SPRYD4: variants seen among roughly 807,000 people sequenced by gnomAD.
The protein encoded by SPRYD4 is SPRY domain-containing protein 4.
A neutral mutation model predicts 16.6 loss-of-function variants in SPRYD4; 12 were observed. That is an observed-to-expected ratio of 0.72 (90% CI 0.46 to 1.17). The LOEUF (loss-of-function observed/expected upper bound fraction) is 1.17. SPRYD4 is among the 50% of genes most tolerant of loss of function. The pLI is 0.00. For missense variants in SPRYD4, 260 were observed against 260.2 expected, an observed-to-expected ratio of 1.00 and a Z score of 0.00; for synonymous variants, 98 against 105.4, an observed-to-expected ratio of 0.93 and a Z score of 0.43.
Position 56,478,378 on chromosome 12 carries a change from A to G in SPRYD4, c.*8801A>G, listed in dbSNP as rs931444965. The G allele has an allele frequency of 2.8e-6, 3 of 1,086,664 alleles. No individual in the cohort carries two copies. Among genetic ancestry groups the G allele is most frequent in the East Asian group, 5.1e-5 (2 of 38,848 alleles). The allele number at this position is 1,086,664 out of a possible 1,614,324, so 67.3% of individuals were successfully genotyped here. A position where few individuals can be genotyped will look rare whatever the true frequency, so the allele number is the denominator to read the frequency against. ...GCTAAAATTCTGTCTTCTATAGGGC[A>G]GAGGGGTTCCCTCCTGCCTGTTGCT... On this transcript the variant is annotated 3_prime_UTR_variant, in exon 2 of 2. Transcript: ENST00000338146.
rs1448124571 is a variant in SPRYD4 at position 56,478,845 on chromosome 12, T to G, written c.*9268T>G. 3 of 538,582 alleles carry G rather than the reference T, an allele frequency of 5.6e-6. No homozygotes were observed. Among genetic ancestry groups the G allele is most frequent in the Non-Finnish European group, 6.3e-6 (2 of 315,964 alleles). The allele number at this position is 538,582 out of a possible 1,614,324, so 33.4% of individuals were successfully genotyped here. ...CCATCTCTACTAAAAATACAAAAAT[T>G]AGTCGGGCATGGTGGTGTATGCCAG... On this transcript the variant is annotated 3_prime_UTR_variant, in exon 2 of 2. Transcript: ENST00000338146.
chr12:56,476,297 G>A lies in SPRYD4; in HGVS notation c.*6720G>A, dbSNP rs1472303799. 2 of 320,964 alleles carry A rather than the reference G, an allele frequency of 6.2e-6. No individual in the cohort carries two copies. The highest frequency in any genetic ancestry group is 1.2e-5 in the Non-Finnish European group (2 of 170,036). The allele number at this position is 320,964 out of a possible 1,614,324, so 19.9% of individuals were successfully genotyped here. A position where few individuals can be genotyped will look rare whatever the true frequency, so the allele number is the denominator to read the frequency against. On this transcript the variant is annotated 3_prime_UTR_variant, in exon 2 of 2. Transcript: ENST00000338146. ...CCCACTTCAGCCTCCAAGTAGCTCG[G>A]ATTACAGGCATGAGCCAGCTTGCTG...
In SPRYD4 at chr12:56,475,465, CAA is replaced by C. The variant is rs1869721227; in HGVS notation, c.*5890_*5891del. 1.3e-6 allele frequency: 1 copy of C among 748,158 alleles called. No individual in the cohort carries two copies. Among genetic ancestry groups the C allele is most frequent in the Non-Finnish European group, 2.2e-6 (1 of 462,538 alleles). 46.3% of individuals were successfully genotyped at this position (748,158 alleles called of 1,614,324 possible). ...GGAACAAATTATTTTACAAGATAAA[CAA>C]ATGTTTATGAAGGGACTCAGAGGAA... On this transcript the variant is annotated 3_prime_UTR_variant, in exon 2 of 2. Transcript: ENST00000338146.
rs758994453 is a variant in SPRYD4, at chr12:56,473,613, G to A, written c.*4036G>A. ...GGCCCACCTGGGGAACAGAACTGAA[G>A]CTGAGGATAAAGTGGGTGTGCCCCA... On this transcript the variant is annotated 3_prime_UTR_variant, in exon 2 of 2. Transcript: ENST00000338146. The A allele has an allele frequency of 1.3e-5, 21 of 1,600,294 alleles. No individual in the cohort carries two copies. The highest frequency in any genetic ancestry group is 2.2e-4 in the Middle Eastern group (1 of 4,496).
In SPRYD4 at chr12:56,469,272, G is replaced by A. The variant is rs1336754504; in HGVS notation, c.319G>A (p.Val107Met). The change falls in exon 2 of 2, where the codon GTG becomes ATG. Residue 107 changes from valine to methionine, a missense_variant. By Grantham distance (21) the Val-to-Met change is conservative (BLOSUM62 1). Coordinates refer to ENST00000338146, the MANE Select transcript of SPRYD4 (RefSeq NM_207344.4). Reference sequence around the variant, plus strand: ...GCAGTTCCGGATAGGAGTGGCAGATGTGGACATGTCCCGGGATAGCTGCAT... The same window carrying A: ...GCAGTTCCGGATAGGAGTGGCAGATATGGACATGTCCCGGGATAGCTGCAT... Reference protein sequence around the residue: ...SQQFRIGVADVDMSRDSCIGV... With the variant: ...SQQFRIGVADMDMSRDSCIGV... 6.2e-7 allele frequency: 1 copy of A among 1,614,144 alleles called. No homozygotes were observed. The highest frequency in any genetic ancestry group is 1.7e-5 in the Admixed American group (1 of 60,026).
In SPRYD4 at chr12:56,469,118, C is replaced by T. The variant is rs745466393; in HGVS notation, c.165C>T (p.Gly55=). 2 of 1,613,106 alleles carry T rather than the reference C, an allele frequency of 1.2e-6. No homozygotes were observed. The highest frequency in any genetic ancestry group is 1.7e-6 in the Non-Finnish European group (2 of 1,179,464). ...LFRDDTGVKY[G]LVGLEPTKVA... ...GAGATGATACGGGTGTCAAATATGG[C>T]TTGGTGGGATTGGAGCCCACCAAGG... The change falls in exon 2 of 2, where the codon GGC becomes GGT. Residue 55 remains glycine, a synonymous_variant. Coordinates refer to ENST00000338146, the MANE Select transcript of SPRYD4 (RefSeq NM_207344.4).
Position 56,468,627 on chromosome 12 carries a change from C to T in SPRYD4, c.36C>T (p.Cys12=), listed in dbSNP as rs767700811. Reference sequence around the variant, plus strand: ...TTTTTGCACGTTCTTTGCGCTTGTGCCGCTGGGGAGCCAAACGATTGGGAG... The same window carrying T: ...TTTTTGCACGTTCTTTGCGCTTGTGTCGCTGGGGAGCCAAACGATTGGGAG... ...ALLFARSLRL[C]RWGAKRLGVA... The change falls in exon 1 of 2, where the codon TGC becomes TGT. Residue 12 remains cysteine (C), a synonymous_variant. Transcript: ENST00000338146. 2 of 1,613,954 alleles carry T rather than the reference C, an allele frequency of 1.2e-6. No individual in the cohort carries two copies. The highest frequency in any genetic ancestry group is 1.7e-6 in the Non-Finnish European group (2 of 1,179,972).
At position 56,475,187 on chromosome 12, in the gene SPRYD4, G is replaced by A; in HGVS notation, c.*5610G>A. The A allele has an allele frequency of 3.1e-6, 5 of 1,606,854 alleles. No homozygotes were observed. Among genetic ancestry groups the A allele is most frequent in the South Asian group, 2.2e-5 (2 of 91,036 alleles). On this transcript the variant is annotated 3_prime_UTR_variant, in exon 2 of 2. Coordinates refer to ENST00000338146, the MANE Select transcript of SPRYD4 (RefSeq NM_207344.4). ...AGAAGGGGAAAAATTACCTTCCCTG[G>A]AGAGACAGAACTACATCACACCACA... is the stretch of plus-strand genomic sequence containing the variant.
chr12:56,475,213 A>G lies in SPRYD4; in HGVS notation c.*5636A>G, dbSNP rs774643917. ...AGAGACAGAACTACATCACACCACA[A>G]ACTAAATGAACCCCTTTATAACTTC... On this transcript the variant is annotated 3_prime_UTR_variant, in exon 2 of 2. Coordinates refer to ENST00000338146, the MANE Select transcript of SPRYD4 (RefSeq NM_207344.4). The G allele has an allele frequency of 2.5e-5, 40 of 1,601,936 alleles. No homozygotes were observed. In the African/African-American group the frequency reaches 3.5e-4, roughly 14 times the overall value.
intron 1 of SPRYD4, 105 bp from the exon 2 acceptor site, chr12:56,468,934 C>G (rs1380769318): frequency 2.1e-6 from 3 of 1,395,700 alleles, no homozygotes; most frequent in Admixed American, 2.5e-5. Flanking sequence ...TCTGACTCTT[C>G]CCTAGTTGCT....
In SPRYD4 at chr12:56,479,140, C is replaced by A; in HGVS notation, c.*9563C>A. ...AAAATCAGGAATGACAAACTTCTTT[C>A]GGAATGCCTGGGTCAGGAGCACAAT... On this transcript the variant is annotated 3_prime_UTR_variant, in exon 2 of 2. Coordinates refer to ENST00000338146, the MANE Select transcript of SPRYD4 (RefSeq NM_207344.4). 2 of 1,614,010 alleles carry A rather than the reference C, an allele frequency of 1.2e-6. No homozygotes were observed. Among genetic ancestry groups the A allele is most frequent in the Non-Finnish European group, 1.7e-6 (2 of 1,180,022 alleles).
rs1231310806 is a variant in SPRYD4 at position 56,478,206 on chromosome 12, G to A, written c.*8629G>A. ...ACCGTTGACCATCCACAGTGCACAG[G>A]GAGACACCCCACAGGTCTGGGTTTG... is the stretch of plus-strand genomic sequence containing the variant. On this transcript the variant is annotated 3_prime_UTR_variant, in exon 2 of 2. Coordinates refer to ENST00000338146, the MANE Select transcript of SPRYD4 (RefSeq NM_207344.4). 5.6e-6 allele frequency: 9 copies of A among 1,614,212 alleles called. No homozygotes were observed. The South Asian group carries it at 9.9e-5, about 18-fold the overall frequency.
At position 56,476,272 on chromosome 12, in the gene SPRYD4, CCCA is replaced by C; in HGVS notation, c.*6697_*6699del. 2.7e-6 allele frequency: 1 copy of C among 373,300 alleles called. No homozygotes were observed. Among genetic ancestry groups the C allele is most frequent in the Non-Finnish European group, 5.0e-6 (1 of 201,976 alleles). The allele number at this position is 373,300 out of a possible 1,614,324, so 23.1% of individuals were successfully genotyped here. A position where few individuals can be genotyped will look rare whatever the true frequency, so the allele number is the denominator to read the frequency against. ...TGACCTCCCAGGCTCAAGCGATCCTCCCACTTCAGCCTCCAAGTAGCTCGGATT... is the reference window on the plus strand; with the variant it reads ...TGACCTCCCAGGCTCAAGCGATCCTCCTTCAGCCTCCAAGTAGCTCGGATT... On this transcript the variant is annotated 3_prime_UTR_variant, in exon 2 of 2. Coordinates refer to ENST00000338146, the MANE Select transcript of SPRYD4 (RefSeq NM_207344.4).
At chr12:56,468,914 C>T (rs1869109512) in intron 1 of SPRYD4, 125 bp from the exon 2 acceptor site, 4 of 1,301,060 alleles carry the variant, frequency 3.1e-6, no homozygotes, top group East Asian at 2.4e-5. Flanking sequence ...CTCTCTTGCC[C>T]GCTTGGCATT....
rs758188221 is a variant in SPRYD4 at position 56,478,149 on chromosome 12, C to T, written c.*8572C>T. 9.3e-6 allele frequency: 15 copies of T among 1,613,962 alleles called. No homozygotes were observed. The highest frequency in any genetic ancestry group is 1.3e-5 in the Non-Finnish European group (15 of 1,179,974). The stretch of plus-strand genomic sequence containing the variant: ...GGTTGGCCTGTGTTCGGCACCTGTG[C>T]CCTGCCTCCCCTTCCTCTTGCCCAG... On this transcript the variant is annotated 3_prime_UTR_variant, in exon 2 of 2. Transcript: ENST00000338146.
chr12:56,476,056 T>G lies in SPRYD4; in HGVS notation c.*6479T>G. ...GAAGGGTCAGAAGGATCTAGTGGAG[T>G]TCTAGTGTTAGTCTGGTCCTGCTGC... On this transcript the variant is annotated 3_prime_UTR_variant, in exon 2 of 2. Transcript: ENST00000338146. The G allele has an allele frequency of 7.1e-7, 1 of 1,408,570 alleles. No homozygotes were observed. 87.3% of individuals were successfully genotyped at this position (1,408,570 alleles called of 1,614,324 possible).
In SPRYD4 at chr12:56,475,165, AG is replaced by A; in HGVS notation, c.*5592del. On this transcript the variant is annotated 3_prime_UTR_variant, in exon 2 of 2. Coordinates refer to ENST00000338146, the MANE Select transcript of SPRYD4 (RefSeq NM_207344.4). ...AGTTGGAGGAGTGGGTGTTGGGAGA[AG>A]GGGAAAAATTACCTTCCCTGGAGAG... 1.2e-6 allele frequency: 2 copies of A among 1,611,202 alleles called. No homozygotes were observed. Among genetic ancestry groups the A allele is most frequent in the South Asian group, 2.2e-5 (2 of 91,088 alleles).
In SPRYD4 at chr12:56,476,910, A is replaced by G. The variant is rs1331241855; in HGVS notation, c.*7333A>G. The G allele has an allele frequency of 6.6e-6, 1 of 152,172 alleles. No individual in the cohort carries two copies. 9.4% of individuals were successfully genotyped at this position (152,172 alleles called of 1,614,324 possible). A position where few individuals can be genotyped will look rare whatever the true frequency, so the allele number is the denominator to read the frequency against. On this transcript the variant is annotated 3_prime_UTR_variant, in exon 2 of 2. Coordinates refer to ENST00000338146, the MANE Select transcript of SPRYD4 (RefSeq NM_207344.4). ...CGCCTGGCCTCTATATTTTTTAAAA[A>G]AGGTCCTACTTAGATGGGAATGGGA...
Position 56,475,273 on chromosome 12 carries a change from GCAAA to G in SPRYD4, c.*5699_*5702del. On this transcript the variant is annotated 3_prime_UTR_variant, in exon 2 of 2. Transcript: ENST00000338146. ...TATTAGAGGAAATTTCTGAACCTGA[GCAAA>G]CACTCAGCATAGTTTTGTTATAAAG... 5 of 1,523,480 alleles carry G rather than the reference GCAAA, an allele frequency of 3.3e-6. No homozygotes were observed. Among genetic ancestry groups the G allele is most frequent in the Non-Finnish European group, 4.4e-6 (5 of 1,130,100 alleles). 94.4% of individuals were successfully genotyped at this position (1,523,480 alleles called of 1,614,324 possible).
Sources: allele counts gnomAD v4.1 joint callset, GRCh38; gene constraint gnomAD v4.1.1; transcripts MANE v1.5; gene names NCBI Gene and HGNC (gene_info 2026-07-23, HGNC 2026-07-21).